The following COL5A2 variants were observed in gnomAD, a reference collection of about 807,000 sequenced individuals.
COL5A2 encodes collagen type V alpha 2 chain, also known as collagen alpha-2(V) chain.
Under a neutral mutation model 208.2 loss-of-function variants are expected in COL5A2, and 23 were observed. The ratio of observed to expected loss-of-function variants is 0.11; its 90% confidence interval spans 0.08 to 0.16. The LOEUF (loss-of-function observed/expected upper bound fraction) is 0.16. Among genes scored for constraint, COL5A2 ranks in the 10% least tolerant of loss-of-function variants. The pLI is 1.00. For synonymous variants in COL5A2, 625 were observed against 628.5 expected (o/e 0.99, Z 0.08); for missense variants, 1,590 against 1,956.4 (o/e 0.81, Z 3.53).
rs994908768 is a variant in COL5A2, at chr2:189,179,736, T to C, written c.-132A>G. On this transcript the variant is annotated 5_prime_UTR_variant, in exon 1 of 54. Transcript: ENST00000374866. ...GGGCAGCCTCTGCAAACCCCCTTTT[T>C]CAGCACCAGCTCCAGCACAGTCTGC... 3.4e-6 allele frequency: 5 copies of C among 1,490,762 alleles called. No individual in the cohort carries two copies. The highest frequency in any genetic ancestry group is 4.5e-6 in the Non-Finnish European group (5 of 1,105,766). The allele number at this position is 1,490,762 out of a possible 1,614,324, so 92.3% of individuals were successfully genotyped here.
chr2:189,270,576 C>G, the COL5A2 span, among the ~76,000 whole-genome samples: 2 of 152,108 alleles, frequency 1.3e-5, no homozygotes, highest in African/African-American at 2.4e-5. Flanking sequence ...TTTGATTGTA[C>G]TGTGGTCTGA....
At chr2:189,231,737 T>C in the COL5A2 span, among the ~76,000 whole-genome samples, 1 of 151,840 alleles carries the variant, frequency 6.6e-6, no homozygotes, top group Non-Finnish European at 1.5e-5. Flanking sequence ...TTTGTGTGTA[T>C]GTTTCTTATA....
intron 4 of COL5A2, among the ~76,000 whole-genome samples, 175 bp from the exon 5 acceptor site, chr2:189,098,934 A>T (rs1415347221): frequency 6.6e-6 from 1 of 152,182 alleles, no homozygotes; most frequent in African/African-American, 2.4e-5. Context: ...ATCTAGTTTT[A>T]ACTAATATAG....
chr2:189,287,434 T>C, the COL5A2 span, among the ~76,000 whole-genome samples: 23 of 150,526 alleles, frequency 1.5e-4, no homozygotes, highest in East Asian at 4.3e-3. Flanking sequence ...GGTGGGGAGG[T>C]TGGGGAAAGA....
intron 1 of COL5A2, among the ~76,000 whole-genome samples, chr2:189,116,041 G>T (rs1012341207): frequency 6.6e-6 from 1 of 152,294 alleles, no homozygotes; most frequent in East Asian, 1.9e-4. Context: ...CCTTCAGAAA[G>T]CTACAGCAAC....
chr2:189,075,981 T>A (rs1296876654), intron 16 of COL5A2, among the ~76,000 whole-genome samples: 1 of 152,164 alleles, frequency 6.6e-6, no homozygotes, highest in African/African-American at 2.4e-5. Flanking sequence ...CTCAAGACTG[T>A]GCTCTTTCCT....
chr2:189,194,917 T>C (rs1032220555), intron 1 of COL5A2, among the ~76,000 whole-genome samples: 9 of 152,118 alleles, frequency 5.9e-5, no homozygotes, highest in Non-Finnish European at 1.2e-4. Context: ...TTTGTGTATG[T>C]TGAACAAGCC....
the COL5A2 span, among the ~76,000 whole-genome samples, chr2:189,364,948 T>C: frequency 5.9e-5 from 9 of 152,346 alleles, 1 homozygote; most frequent in South Asian, 1.7e-3. Context: ...ATGTTAATAA[T>C]AGGGCAATCT....
intron 5 of COL5A2, among the ~76,000 whole-genome samples, chr2:189,098,076 C>T (rs568983959): frequency 6.7e-6 from 1 of 150,238 alleles, no homozygotes; most frequent in Non-Finnish European, 1.5e-5. Flanking sequence ...GACTTTGTTT[C>T]TCTTTAAAAG....
chr2:189,239,648 T>C, the COL5A2 span, among the ~76,000 whole-genome samples: 4,395 of 144,984 alleles, frequency 0.03, 82 homozygotes, highest in Admixed American at 0.041. Context: ...AGGGATAGCA[T>C]TGGGAGATAT....
At chr2:189,332,301 A>C in the COL5A2 span, among the ~76,000 whole-genome samples, 1 of 152,232 alleles carries the variant, frequency 6.6e-6, no homozygotes, top group Non-Finnish European at 1.5e-5. Context: ...CCTACTCGGC[A>C]TTAATAGAGC....
the COL5A2 span, chr2:189,311,155 G>T: frequency 1.5e-6 from 1 of 650,878 alleles, no homozygotes; most frequent in South Asian, 1.8e-5. Flanking sequence ...TGGACCCCCA[G>T]CACTGCACAG....
At chr2:189,270,419 C>T in the COL5A2 span, among the ~76,000 whole-genome samples, 1 of 152,054 alleles carries the variant, frequency 6.6e-6, no homozygotes, top group Non-Finnish European at 1.5e-5. Flanking sequence ...GATTCTGGTA[C>T]GTTGTGTCTT....
chr2:189,072,167 G>A, intron 17 of COL5A2, 74 bp from the exon 18 acceptor site: 1 of 1,070,852 alleles, frequency 9.3e-7, no homozygotes, highest in East Asian at 2.4e-5. Flanking sequence ...TTTAGAGTTT[G>A]GCGTCATTTT....
chr2:189,292,941 C>T, the COL5A2 span, among the ~76,000 whole-genome samples: 2 of 152,116 alleles, frequency 1.3e-5, 1 homozygote, highest in South Asian at 4.1e-4. Flanking sequence ...ATGATGAGTT[C>T]ATGTCCTTTG....
the COL5A2 span, among the ~76,000 whole-genome samples, chr2:189,364,581 G>C: frequency 1.3e-5 from 2 of 152,086 alleles, no homozygotes; most frequent in Non-Finnish European, 2.9e-5. Context: ...CAGCTACTCG[G>C]AAGGCTGAGG....
intron 1 of COL5A2, among the ~76,000 whole-genome samples, chr2:189,173,179 G>A (rs1688608316): frequency 6.6e-6 from 1 of 151,732 alleles, no homozygotes. Flanking sequence ...TCACCATGAT[G>A]GCCAGGCTGG....
intron 1 of COL5A2, among the ~76,000 whole-genome samples, chr2:189,198,085 G>A (rs1199959458): frequency 3.9e-5 from 6 of 152,034 alleles, no homozygotes; most frequent in African/African-American, 1.2e-4. Context: ...TCCTGACCTC[G>A]TGATCCGCCT....
chr2:189,072,715 T>C (rs565988435), intron 17 of COL5A2, among the ~76,000 whole-genome samples: 2 of 135,790 alleles, frequency 1.5e-5, no homozygotes, highest in South Asian at 4.6e-4. Flanking sequence ...GAGGTTGTAG[T>C]GAGCTGAGAT....
Sources: allele counts gnomAD v4.1 joint callset (sites outside exome capture counted in the v4.1 genomes callset), GRCh38; gene constraint gnomAD v4.1.1; transcripts MANE v1.5; gene names NCBI Gene and HGNC (gene_info 2026-07-23, HGNC 2026-07-21).